The following PCDH7 variants were observed in gnomAD, a reference collection of about 807,000 sequenced individuals.
PCDH7 encodes protocadherin 7, also known as protocadherin-7.
A neutral mutation model predicts 58.9 loss-of-function variants in PCDH7; 17 were observed. The ratio of observed to expected loss-of-function variants is 0.29; its 90% confidence interval spans 0.20 to 0.43. PCDH7 has a LOEUF of 0.43. Ranked by LOEUF, PCDH7 falls within the 20% of genes least tolerant of loss-of-function variation. The probability of loss-of-function intolerance (pLI) is 1.00; values close to 1 mark genes in which losing one functional copy is unlikely to be tolerated. For missense variants in PCDH7, 1,274 were observed against 1,441.0 expected (o/e 0.88, Z 1.88); for synonymous variants, 664 against 616.4 (o/e 1.08, Z -1.14).
At chr4:30,889,121 T>C (rs11729893) in intron 1 of PCDH7, among the ~76,000 whole-genome samples, 21,710 of 134,638 alleles carry the variant, frequency 0.16, 1,773 homozygotes, top group African/African-American at 0.19. Flanking sequence ...GCAGAGGTTG[T>C]GGTGAGCAGA....
At chr4:31,096,928 T>TGTGTGTGTG (rs5857221) in intron 3 of PCDH7, among the ~76,000 whole-genome samples, 132 of 151,508 alleles carry the variant, frequency 8.7e-4, no homozygotes, top group Admixed American at 2.6e-3. Flanking sequence ...TGTGTGTGTG[T>TGTGTGTGTG]TGTGAATAAG....
At chr4:30,814,410 T>C (rs928477645) in intron 1 of PCDH7, among the ~76,000 whole-genome samples, 2 of 152,150 alleles carry the variant, frequency 1.3e-5, no homozygotes, top group African/African-American at 4.8e-5. Context: ...TTAGCTCGTT[T>C]AGTTGTGAGC....
rs1254653462 is a variant in PCDH7 at position 30,723,450 on chromosome 4, G to T, written c.2028G>T (p.Leu676=). The stretch of plus-strand genomic sequence containing the variant: ...AGGGGCGGAATGCAGAGATGAGCCT[G>T]TACATAGAGGAGAACAATAACATTT... Residue 676 remains leucine, a synonymous_variant, in exon 1 of 2, where the codon CTG becomes CTT. Transcript: ENST00000361762. The surrounding 1 kb of genome is among the most constrained non-coding windows in gnomAD (Gnocchi z 4.6). 1.7e-5 allele frequency: 28 copies of T among 1,614,042 alleles called. No homozygotes were observed. The highest frequency in any genetic ancestry group is 1.6e-4 in the Middle Eastern group (1 of 6,084).
chr4:31,104,927 A>G (rs1206480793), intron 3 of PCDH7, among the ~76,000 whole-genome samples: 1 of 152,182 alleles, frequency 6.6e-6, no homozygotes, highest in East Asian at 1.9e-4. Context: ...TAGGTGGTAA[A>G]AGGGTTGGAC....
At chr4:31,058,340 G>C (rs1162936827) in intron 3 of PCDH7, among the ~76,000 whole-genome samples, 1 of 151,986 alleles carries the variant, frequency 6.6e-6, no homozygotes, top group East Asian at 1.9e-4. Flanking sequence ...GTGAGGTTCT[G>C]TGAAATTCAT....
intron 3 of PCDH7, among the ~76,000 whole-genome samples, chr4:31,053,925 G>A (rs1218486095): frequency 6.6e-6 from 1 of 152,168 alleles, no homozygotes; most frequent in African/African-American, 2.4e-5. Flanking sequence ...ATTTTCAGCA[G>A]CAATGATAAT....
chr4:30,979,344 A>G (rs1206105982), intron 3 of PCDH7, among the ~76,000 whole-genome samples: 7 of 151,850 alleles, frequency 4.6e-5, no homozygotes, highest in African/African-American at 1.7e-4. Context: ...AAAAAAGAAA[A>G]AAAAGAAAAA....
In PCDH7 at chr4:31,099,208, C is replaced by T. The variant is rs150465420; in HGVS notation, c.*8-43265C>T. On this transcript the variant is annotated intron_variant, in intron 3 of 3. Transcript: ENST00000509759. ...CACAGCTAAAAGGTGCAACTGGTGC[C>T]TTAGTTACACAGCCAGAAAGGGGGC... Among the ~76,000 whole-genome samples the T allele has an allele frequency of 3.3e-5, 5 of 152,218 alleles. No homozygotes were observed. The East Asian group carries it at 9.7e-4, about 29-fold the overall frequency.
intron 3 of PCDH7, among the ~76,000 whole-genome samples, chr4:31,030,275 C>G (rs1296963873): frequency 6.6e-6 from 1 of 152,098 alleles, no homozygotes; most frequent in Non-Finnish European, 1.5e-5. Context: ...CTTGTATCCT[C>G]AAATTGCTTT....
At chr4:31,047,104 A>G (rs1004695846) in intron 3 of PCDH7, among the ~76,000 whole-genome samples, 1 of 151,976 alleles carries the variant, frequency 6.6e-6, no homozygotes, top group African/African-American at 2.4e-5. Context: ...TTTTTTTTAA[A>G]TAGGCTCAAT....
chr4:31,071,744 C>T (rs567901627), intron 3 of PCDH7, among the ~76,000 whole-genome samples: 25 of 152,068 alleles, frequency 1.6e-4, no homozygotes, highest in African/African-American at 5.3e-4. Flanking sequence ...AGAGATCCCT[C>T]GCATTTCATT....
At chr4:30,953,565 A>G (rs2109450513) in intron 3 of PCDH7, among the ~76,000 whole-genome samples, 1 of 152,122 alleles carries the variant, frequency 6.6e-6, no homozygotes, top group East Asian at 1.9e-4. Flanking sequence ...GAACACCTTC[A>G]AGGAAAAAAA....
intron 3 of PCDH7, among the ~76,000 whole-genome samples, chr4:31,087,968 C>A (rs1316400995): frequency 6.6e-6 from 1 of 151,878 alleles, no homozygotes; most frequent in Admixed American, 6.6e-5. Flanking sequence ...TATAACAATT[C>A]TAAGGAGTAG....
exon 1 of PCDH7, chr4:30,724,027 C>A: frequency 1.2e-6 from 2 of 1,613,822 alleles, no homozygotes; most frequent in Non-Finnish European, 1.7e-6. Flanking sequence ...AGCTGGTGAC[C>A]CAAGCTATGA....
At chr4:30,901,258 TAA>T (rs1740181857) in intron 1 of PCDH7, among the ~76,000 whole-genome samples, 2 of 152,108 alleles carry the variant, frequency 1.3e-5, no homozygotes, top group South Asian at 4.1e-4. Flanking sequence ...ACATTTACAT[TAA>T]GACTATTAAC....
intron 3 of PCDH7, among the ~76,000 whole-genome samples, chr4:31,090,290 G>A (rs1248475714): frequency 1.3e-5 from 2 of 151,896 alleles, no homozygotes; most frequent in Middle Eastern, 6.8e-3. Flanking sequence ...AATTTTTGTG[G>A]GTACATAGTA....
chr4:30,818,181 C>T (rs1397976236), intron 1 of PCDH7, among the ~76,000 whole-genome samples: 1 of 152,170 alleles, frequency 6.6e-6, no homozygotes, highest in Non-Finnish European at 1.5e-5. Context: ...TTTGAAATTG[C>T]ACCTTCCTTC....
At chr4:30,848,728 T>C (rs551629754) in intron 1 of PCDH7, among the ~76,000 whole-genome samples, 2 of 152,228 alleles carry the variant, frequency 1.3e-5, no homozygotes, top group Admixed American at 1.3e-4. Flanking sequence ...AACATTTCCA[T>C]TTACAACTCT....
intron 3 of PCDH7, among the ~76,000 whole-genome samples, chr4:30,961,980 A>G (rs549410981): frequency 6.6e-6 from 1 of 152,166 alleles, no homozygotes; most frequent in Non-Finnish European, 1.5e-5. Context: ...CTTAATTACA[A>G]AGTAATATTT....
Sources: allele counts gnomAD v4.1 joint callset (sites outside exome capture counted in the v4.1 genomes callset), GRCh38; gene constraint gnomAD v4.1.1; non-coding constraint Gnocchi (gnomAD v3.1); transcripts MANE v1.5; gene names NCBI Gene and HGNC (gene_info 2026-07-23, HGNC 2026-07-21).